Variants in MBTPS1 observed in about 807,000 individuals in gnomAD.
The protein encoded by MBTPS1 is membrane-bound transcription factor site-1 protease.
MBTPS1 carries 94 observed loss-of-function variants against 127.8 expected under a neutral mutation model. The ratio of observed to expected loss-of-function variants is 0.74; its 90% CI spans 0.62 to 0.87. MBTPS1 has a LOEUF of 0.87. Among genes scored for constraint, MBTPS1 ranks in the 40% least tolerant of loss-of-function variants. The probability of loss-of-function intolerance (pLI) is 0.00; values close to 1 mark genes in which losing one functional copy is unlikely to be tolerated. For synonymous variants in MBTPS1, 632 were observed against 509.4 expected, an observed-to-expected ratio of 1.24 and a Z score of -3.24; for missense variants, 1,636 against 1,353.2, an observed-to-expected ratio of 1.21 and a Z score of -3.28.
chr16:84,065,772 G>T lies in MBTPS1; in HGVS notation c.2354-5C>A. 1 of 1,565,724 alleles carries T rather than the reference G, an allele frequency of 6.4e-7. No homozygotes were observed. The highest frequency in any genetic ancestry group is 8.6e-7 in the Non-Finnish European group (1 of 1,158,152). Reference sequence around the variant, plus strand: ...TGCACCCTGACGCATAATACACTAGGAAAGAGTGTTCAAAGTCAAGGGAAC... The same window carrying T: ...TGCACCCTGACGCATAATACACTAGTAAAGAGTGTTCAAAGTCAAGGGAAC... On this transcript the variant is annotated splice_polypyrimidine_tract_variant and splice_region_variant and intron_variant, in intron 17 of 22. Coordinates refer to ENST00000343411, the MANE Select transcript of MBTPS1 (RefSeq NM_003791.4).
chr16:84,076,547 G>C (rs1597322094), intron 11 of MBTPS1, among the ~76,000 whole-genome samples: 2 of 152,276 alleles, frequency 1.3e-5, no homozygotes, highest in Non-Finnish European at 2.9e-5. Flanking sequence ...GAAAACCCTA[G>C]AGAAGCAATA....
chr16:84,059,214 T>G (rs978677435), intron 21 of MBTPS1, 88 bp downstream of exon 21: 16 of 1,487,572 alleles, frequency 1.1e-5, no homozygotes, highest in Non-Finnish European at 1.5e-5. Context: ...TCGATAGTGA[T>G]GTCAGTAAAA....
chr16:84,063,202 G>A, intron 19 of MBTPS1, 103 bp downstream of exon 19: 1 of 1,248,440 alleles, frequency 8.0e-7, no homozygotes, highest in East Asian at 2.3e-5. Flanking sequence ...CAAGTGAACA[G>A]ATGTCGGCTG....
At chr16:84,074,816 G>A in intron 11 of MBTPS1, 75 bp from the exon 12 acceptor site, 1 of 1,384,814 alleles carries the variant, frequency 7.2e-7, no homozygotes, top group Non-Finnish European at 9.9e-7. Context: ...GTACAAGACA[G>A]AGTTAACAAA....
rs1479646290 is a variant in MBTPS1, at chr16:84,066,567, T to C, written c.2275A>G (p.Asn759Asp). The stretch of plus-strand genomic sequence containing the variant: ...ATGTTCCACACAGACAGCAGCTCAT[T>C]CAGAGCTGGGATGTTAGCTCCTCCG... ...DTGGANIPAL[N>D]ELLSVWNMGF... The change falls in exon 17 of 23, where the codon AAT becomes GAT. Residue 759 changes from asparagine to aspartate, a missense_variant. Transcript: ENST00000343411. The C allele has an allele frequency of 1.2e-6, 2 of 1,613,842 alleles. No individual in the cohort carries two copies. Among genetic ancestry groups the C allele is most frequent in the African/African-American group, 2.7e-5 (2 of 74,916 alleles).
At chr16:84,093,608 C>T in intron 5 of MBTPS1, 103 bp downstream of exon 5, 2 of 861,608 alleles carry the variant, frequency 2.3e-6, no homozygotes, top group South Asian at 3.0e-5. Context: ...CACAATAACA[C>T]CTTGGGCTTG....
intron 14 of MBTPS1, 56 bp downstream of exon 14, chr16:84,069,810 T>C (rs2151147389): frequency 1.4e-6 from 2 of 1,479,884 alleles, no homozygotes; most frequent in Non-Finnish European, 1.9e-6. Flanking sequence ...GGAACAGTGG[T>C]GCCTCCTCCC....
chr16:84,099,181 G>C lies in MBTPS1; in HGVS notation c.293C>G (p.Pro98Arg), dbSNP rs1261596274. The C allele has an allele frequency of 1.2e-6, 2 of 1,614,022 alleles. No individual in the cohort carries two copies. Among genetic ancestry groups the C allele is most frequent in the Non-Finnish European group, 1.7e-6 (2 of 1,180,040 alleles). Reference sequence around the variant, plus strand: ...TATCTGAATCACCTCAAAATCACTAGGGTAGTCACTGGATGGATTGTTTCG... The same window carrying C: ...TATCTGAATCACCTCAAAATCACTACGGTAGTCACTGGATGGATTGTTTCG... ...IPRNNPSSDY[P>R]SDFEVIQIKE... The change falls in exon 3 of 23, where the codon CCT (proline) becomes CGT (arginine). Residue 98 changes from proline to arginine, a missense_variant. By Grantham distance (103) the Pro-to-Arg change is moderately radical. Coordinates refer to ENST00000343411, the MANE Select transcript of MBTPS1 (RefSeq NM_003791.4).
At chr16:84,072,463 A>G (rs1023762052) in intron 12 of MBTPS1, among the ~76,000 whole-genome samples, 1 of 152,194 alleles carries the variant, frequency 6.6e-6, no homozygotes, top group Non-Finnish European at 1.5e-5. Context: ...TTTTATCTCA[A>G]TTTTTTAAAA....
At chr16:84,067,991 T>A (rs962043506) in intron 15 of MBTPS1, among the ~76,000 whole-genome samples, 168 bp from the exon 16 acceptor site, 2 of 152,232 alleles carry the variant, frequency 1.3e-5, no homozygotes, top group African/African-American at 4.8e-5. Context: ...AGGACCAGGA[T>A]CCAGCAATAC....
intron 11 of MBTPS1, among the ~76,000 whole-genome samples, chr16:84,079,963 G>C (rs920736399): frequency 1.5e-4 from 23 of 152,330 alleles, no homozygotes; most frequent in East Asian, 5.8e-4. Flanking sequence ...CTTTAGAAGA[G>C]GCCATCAGCA....
rs1301811228 is a variant in MBTPS1, at chr16:84,093,686, C to T, written c.736+25G>A. On this transcript the variant is annotated intron_variant, in intron 5 of 22. Transcript: ENST00000343411. Reference sequence around the variant, plus strand: ...ACACTCTCAGTCGATCACATGACCACGTTCTCACTGCTGCTGAGACCCACC... The same window carrying T: ...ACACTCTCAGTCGATCACATGACCATGTTCTCACTGCTGCTGAGACCCACC... The T allele has an allele frequency of 2.7e-6, 4 of 1,487,442 alleles. No homozygotes were observed. The South Asian group carries it at 3.4e-5, about 13-fold the overall frequency. The allele number at this position is 1,487,442 out of a possible 1,614,324, so 92.1% of individuals were successfully genotyped here. A position where few individuals can be genotyped will look rare whatever the true frequency, so the allele number is the denominator to read the frequency against.
Position 84,067,712 on chromosome 16 carries a change from T to C in MBTPS1, c.2183A>G (p.Asn728Ser). 6.2e-7 allele frequency: 1 copy of C among 1,614,084 alleles called. No homozygotes were observed. The highest frequency in any genetic ancestry group is 8.5e-7 in the Non-Finnish European group (1 of 1,179,912). Residue 728 changes from asparagine to serine, a missense_variant, in exon 16 of 23, where the codon AAC (asparagine) becomes AGC (serine). Transcript: ENST00000343411. The part of the protein sequence containing the change: ...LSLVIFSDWY[N>S]TSVMRKVKFY... The stretch of plus-strand genomic sequence containing the variant: ...CTTCACTTTTCTCATAACAGAAGTG[T>C]TGTACCAGTCACTGAAGATGACGAG...
intron 11 of MBTPS1, among the ~76,000 whole-genome samples, chr16:84,076,089 A>G (rs2085850914): frequency 6.6e-6 from 1 of 152,218 alleles, no homozygotes; most frequent in Non-Finnish European, 1.5e-5. Flanking sequence ...CAAAATAGCA[A>G]GACCAGTGGC....
chr16:84,105,968 GTA>G (rs1158214964), intron 1 of MBTPS1, among the ~76,000 whole-genome samples: 1 of 152,138 alleles, frequency 6.6e-6, no homozygotes, highest in Non-Finnish European at 1.5e-5. Flanking sequence ...AAAACATACA[GTA>G]TTTAGCTGGT....
chr16:84,106,671 G>A (rs1195535342), intron 1 of MBTPS1, among the ~76,000 whole-genome samples: 1 of 152,262 alleles, frequency 6.6e-6, no homozygotes, highest in Non-Finnish European at 1.5e-5. Context: ...GAGAAAGCAT[G>A]AGGCAGTCCT....
chr16:84,081,725 A>G (rs989790972), intron 11 of MBTPS1, 22 bp downstream of exon 11: 1 of 1,341,512 alleles, frequency 7.5e-7, no homozygotes, highest in South Asian at 2.4e-5. Context: ...AGAAAGACCC[A>G]TCGGCAGGGC....
intron 1 of MBTPS1, among the ~76,000 whole-genome samples, chr16:84,106,470 C>T (rs1210362370): frequency 1.3e-5 from 2 of 152,116 alleles, no homozygotes; most frequent in African/African-American, 4.8e-5. Context: ...AAACAGGATC[C>T]AGGCAGTGGG....
At chr16:84,085,392 C>A (rs2151158695) in intron 9 of MBTPS1, among the ~76,000 whole-genome samples, 1 of 152,068 alleles carries the variant, frequency 6.6e-6, no homozygotes, top group African/African-American at 2.4e-5. Context: ...CACAGTAAGA[C>A]CCCCATCTCC....
Sources: gnomAD v4.1 joint callset for allele counts (sites outside exome capture counted in the v4.1 genomes callset) on GRCh38, gnomAD v4.1.1 for gene constraint, MANE v1.5 for transcripts, NCBI Gene and HGNC (gene_info 2026-07-23, HGNC 2026-07-21) for gene names.